DGKI: variants seen among roughly 807,000 people sequenced by gnomAD.
The protein encoded by DGKI is DAG kinase iota.
In DGKI, 55 loss-of-function variants were observed where a neutral mutation model predicts 147.5. The observed-to-expected ratio is 0.37, with a 90% CI of 0.30 to 0.47. The LOEUF is 0.47. Ranked by LOEUF, DGKI falls within the 20% of genes least tolerant of loss-of-function variation. DGKI has a pLI of 1.00. For synonymous variants in DGKI, 469 were observed against 477.1 expected (o/e 0.98, Z 0.22); for missense variants, 1,007 against 1,323.8 (o/e 0.76, Z 3.71).
chr7:137,655,833 A>G (rs1471551094), intron 4 of DGKI, among the ~76,000 whole-genome samples: 1 of 152,252 alleles, frequency 6.6e-6, no homozygotes, highest in Non-Finnish European at 1.5e-5. Flanking sequence ...TGTAGTGGGA[A>G]GTGTGAAAGG....
chr7:137,419,606 T>G (rs530286041), intron 28 of DGKI, among the ~76,000 whole-genome samples: 1 of 152,282 alleles, frequency 6.6e-6, no homozygotes, highest in East Asian at 1.9e-4. Context: ...TTCACAGGTA[T>G]GGATGACCGC....
chr7:137,840,512 C>G (rs770767269), intron 1 of DGKI, among the ~76,000 whole-genome samples: 45 of 152,138 alleles, frequency 3.0e-4, no homozygotes, highest in Non-Finnish European at 5.1e-4. Flanking sequence ...GAAAGAGAAC[C>G]GGAGAGCTAA....
rs190003198 is a variant in DGKI, at chr7:137,537,264, T to C, written c.2147+15105A>G. ...TTTGCTCAGAAGTTTAGAGAGCAAA[T>C]AGCTTTGCTTTCCAGGTAGCCTGAA... is the stretch of plus-strand genomic sequence containing the variant. On this transcript the variant is annotated intron_variant, in intron 20 of 32. Coordinates refer to ENST00000614521, the MANE Select transcript of DGKI (RefSeq NM_001321708.2). Among the ~76,000 whole-genome samples the C allele has an allele frequency of 5.2e-3, 795 of 152,228 alleles. 4 individuals carry two copies. Among genetic ancestry groups the C allele is most frequent in the Middle Eastern group, 0.024 (7 of 294 alleles).
intron 14 of DGKI, among the ~76,000 whole-genome samples, chr7:137,583,023 T>C (rs1042470720): frequency 3.9e-5 from 6 of 152,162 alleles, no homozygotes; most frequent in Non-Finnish European, 7.4e-5. Context: ...ATATGCCCCT[T>C]GATTAGCAAG....
intron 21 of DGKI, among the ~76,000 whole-genome samples, chr7:137,517,736 T>C (rs1209990338): frequency 1.3e-5 from 2 of 152,144 alleles, no homozygotes; most frequent in Admixed American, 6.6e-5. Flanking sequence ...GGATAACAGA[T>C]GACACACTTA....
At chr7:137,825,256 C>T (rs1798021097) in intron 1 of DGKI, among the ~76,000 whole-genome samples, 1 of 152,130 alleles carries the variant, frequency 6.6e-6, no homozygotes, top group African/African-American at 2.4e-5. Flanking sequence ...CACATAACTG[C>T]ATTTGCACGT....
intron 23 of DGKI, among the ~76,000 whole-genome samples, chr7:137,477,153 T>C (rs1327309860): frequency 1.3e-5 from 2 of 152,182 alleles, no homozygotes; most frequent in Admixed American, 6.5e-5. Context: ...TCAGTCTTGC[T>C]CTCTTCCCAC....
At chr7:137,625,859 G>A (rs938381284) in intron 6 of DGKI, among the ~76,000 whole-genome samples, 1 of 151,894 alleles carries the variant, frequency 6.6e-6, no homozygotes, top group African/African-American at 2.4e-5. Flanking sequence ...CTAACCCTTC[G>A]GCCCACTAGA....
At chr7:137,719,598 CTTTATTGCTA>C (rs1794485177) in intron 1 of DGKI, among the ~76,000 whole-genome samples, 1 of 152,110 alleles carries the variant, frequency 6.6e-6, no homozygotes, top group Non-Finnish European at 1.5e-5. Context: ...GCTGCCCAAA[CTTTATTGCTA>C]TCAGAATCAC....
Position 137,678,543 on chromosome 7 carries a change from G to T in DGKI, c.606+14C>A, listed in dbSNP as rs1823117829. The T allele has an allele frequency of 1.9e-6, 3 of 1,613,170 alleles. No individual in the cohort carries two copies. Among genetic ancestry groups the T allele is most frequent in the South Asian group, 2.2e-5 (2 of 91,050 alleles). ...CCACAGGCCTTCCCCCAGCAAGACGGAGCGCACACTCACTGCAAATCTGAC... is the reference window on the plus strand; with the variant it reads ...CCACAGGCCTTCCCCCAGCAAGACGTAGCGCACACTCACTGCAAATCTGAC... On this transcript the variant is annotated intron_variant, in intron 3 of 32. Coordinates refer to ENST00000614521, the MANE Select transcript of DGKI (RefSeq NM_001321708.2).
intron 32 of DGKI, among the ~76,000 whole-genome samples, chr7:137,391,882 T>C (rs1811378611): frequency 6.6e-6 from 1 of 152,190 alleles, no homozygotes; most frequent in Non-Finnish European, 1.5e-5. Flanking sequence ...TTCATCTCTC[T>C]AAAAACTAAG....
At chr7:137,589,247 T>C (rs1819525553) in intron 12 of DGKI, among the ~76,000 whole-genome samples, 1 of 152,244 alleles carries the variant, frequency 6.6e-6, no homozygotes, top group Non-Finnish European at 1.5e-5. Flanking sequence ...TTGGTTCTCC[T>C]GACTTCCAAC....
intron 19 of DGKI, among the ~76,000 whole-genome samples, chr7:137,555,424 G>A (rs77272269): frequency 0.11 from 16,549 of 151,878 alleles, 2,036 homozygotes; most frequent in African/African-American, 0.3. Flanking sequence ...TAGTTGGGAG[G>A]CTTAGGGAGG....
intron 1 of DGKI, among the ~76,000 whole-genome samples, chr7:137,754,340 C>T (rs1795614457): frequency 6.6e-6 from 1 of 152,176 alleles, no homozygotes; most frequent in African/African-American, 2.4e-5. Context: ...CAAAAATGAC[C>T]TCCACTGGAG....
chr7:137,736,263 C>T (rs1795019902), intron 1 of DGKI, among the ~76,000 whole-genome samples: 1 of 152,012 alleles, frequency 6.6e-6, no homozygotes, highest in Admixed American at 6.6e-5. Flanking sequence ...ATCAGTAAAC[C>T]ATTTCCAGTA....
intron 22 of DGKI, among the ~76,000 whole-genome samples, chr7:137,486,444 A>G (rs951702721): frequency 2.6e-5 from 4 of 152,114 alleles, no homozygotes; most frequent in Non-Finnish European, 4.4e-5. Flanking sequence ...AAATACAAAC[A>G]TTATTTTGGG....
Position 137,678,284 on chromosome 7 carries a change from C to CCAA in DGKI, c.606+272_606+273insTTG, listed in dbSNP as rs145377931. Among the ~76,000 whole-genome samples, 32 of 152,260 alleles carry CCAA rather than the reference C, an allele frequency of 2.1e-4. No homozygotes were observed. In the East Asian group the frequency reaches 5.8e-3, roughly 28 times the overall value. ...TACACATTTACCCTCTGCCCCCCAC[C>CCAA]AACACACAACAACCTACCCTGGGCA... is the stretch of plus-strand genomic sequence containing the variant. On this transcript the variant is annotated intron_variant, in intron 3 of 32. Coordinates refer to ENST00000614521, the MANE Select transcript of DGKI (RefSeq NM_001321708.2).
chr7:137,532,958 T>G (rs1414572667), intron 20 of DGKI, among the ~76,000 whole-genome samples: 4 of 152,128 alleles, frequency 2.6e-5, no homozygotes, highest in Non-Finnish European at 1.5e-5. Flanking sequence ...CAAAATTTGA[T>G]AGCAAGGTTG....
intron 1 of DGKI, among the ~76,000 whole-genome samples, chr7:137,769,629 AG>A (rs1294087708): frequency 6.6e-6 from 1 of 152,146 alleles, no homozygotes; most frequent in Non-Finnish European, 1.5e-5. Flanking sequence ...CAAATTTACA[AG>A]AAAAAAAAAC....
Sources: gnomAD v4.1 joint callset for allele counts (sites outside exome capture counted in the v4.1 genomes callset) on GRCh38, gnomAD v4.1.1 for gene constraint, MANE v1.5 for transcripts, NCBI Gene and HGNC (gene_info 2026-07-23, HGNC 2026-07-21) for gene names.